GPC5: variants seen among roughly 807,000 people sequenced by gnomAD.
GPC5 encodes the protein glypican 5.
Under a neutral mutation model 53.9 loss-of-function variants are expected in GPC5, and 47 were observed. That is an observed-to-expected ratio of 0.87 (90% CI 0.69 to 1.11). GPC5 has a LOEUF of 1.11. Ranked by LOEUF, GPC5 falls within the 50% of genes most tolerant of loss-of-function variation. GPC5 has a pLI of 0.00. For synonymous variants in GPC5, 286 were observed against 263.3 expected (o/e 1.09, Z -0.84); for missense variants, 748 against 713.1 (o/e 1.05, Z -0.56).
chr13:92,758,984 T>A lies in GPC5; in HGVS notation c.1562-107298T>A, dbSNP rs184444676. On this transcript the variant is annotated intron_variant, in intron 7 of 7. Coordinates refer to ENST00000377067, the MANE Select transcript of GPC5 (RefSeq NM_004466.6). ...CCAGTTTTTCCAGAGAATATCCTTT[T>A]CCCATTGCGGTTTTTTTTTTTTTTT... Among the ~76,000 whole-genome samples the A allele has an allele frequency of 1.9e-3, 281 of 146,392 alleles. 2 individuals carry two copies. The highest frequency in any genetic ancestry group is 6.9e-3 in the African/African-American group (275 of 39,752).
At chr13:92,470,412 G>A (rs1015860545) in intron 7 of GPC5, among the ~76,000 whole-genome samples, 4 of 151,830 alleles carry the variant, frequency 2.6e-5, no homozygotes, top group Non-Finnish European at 4.4e-5. Context: ...TGTGCAGAAC[G>A]TGCAGTTTTG....
In GPC5 at chr13:91,976,047, C is replaced by T. The variant is rs188769822; in HGVS notation, c.1401+67990C>T. ...CAAAAAACCAAACACCGCATGTTCT[C>T]ACTCATAGCTAGGAATTGAACAATG... is the stretch of plus-strand genomic sequence containing the variant. On this transcript the variant is annotated intron_variant, in intron 6 of 7. Transcript: ENST00000377067. 1.5e-3 allele frequency among the ~76,000 whole-genome samples: 231 copies of T among 152,178 alleles called. 1 individual carries two copies. The Middle Eastern group carries it at 0.051, about 34-fold the overall frequency.
chr13:92,061,280 G>A (rs573053192), intron 6 of GPC5, among the ~76,000 whole-genome samples: 3 of 152,110 alleles, frequency 2.0e-5, no homozygotes, highest in Non-Finnish European at 1.5e-5. Context: ...CAAGATTAGA[G>A]CTAATTGGTT....
intron 6 of GPC5, among the ~76,000 whole-genome samples, chr13:92,128,645 C>A (rs2041719072): frequency 1.3e-5 from 2 of 152,154 alleles, no homozygotes; most frequent in African/African-American, 4.8e-5. Flanking sequence ...CCTTGTTGGA[C>A]CAATTGCAGG....
At chr13:91,402,347 A>G (rs1389313340) in intron 1 of GPC5, among the ~76,000 whole-genome samples, 1 of 152,216 alleles carries the variant, frequency 6.6e-6, no homozygotes, top group African/African-American at 2.4e-5. Flanking sequence ...AAATTTTAAT[A>G]CTAAAAGACA....
chr13:92,723,206 A>G (rs953799779), intron 7 of GPC5, among the ~76,000 whole-genome samples: 1 of 151,716 alleles, frequency 6.6e-6, no homozygotes, highest in Non-Finnish European at 1.5e-5. Flanking sequence ...ACTGAAATTA[A>G]ATTTTCATAA....
At chr13:92,034,581 G>C (rs2040878565) in intron 6 of GPC5, among the ~76,000 whole-genome samples, 1 of 152,122 alleles carries the variant, frequency 6.6e-6, no homozygotes, top group African/African-American at 2.4e-5. Flanking sequence ...TAGTGCAAGG[G>C]CAGGAGATTT....
intron 2 of GPC5, among the ~76,000 whole-genome samples, chr13:91,546,821 T>G (rs780873486): frequency 6.6e-6 from 1 of 152,114 alleles, no homozygotes; most frequent in Non-Finnish European, 1.5e-5. Flanking sequence ...TCACTTTGCC[T>G]TTAAAAAAGA....
intron 5 of GPC5, among the ~76,000 whole-genome samples, chr13:91,896,988 T>C (rs974793777): frequency 6.6e-6 from 1 of 151,594 alleles, no homozygotes; most frequent in Non-Finnish European, 1.5e-5. Flanking sequence ...AGAACAGGAA[T>C]CCCAGTTATT....
At chr13:92,860,982 G>A (rs116369281) in intron 7 of GPC5, among the ~76,000 whole-genome samples, 2,340 of 152,048 alleles carry the variant, frequency 0.015, 66 homozygotes, top group African/African-American at 0.054. Context: ...AAATTAATGA[G>A]AGAGTCTCTA....
intron 7 of GPC5, among the ~76,000 whole-genome samples, chr13:92,814,410 C>T (rs943235420): frequency 6.6e-6 from 1 of 151,880 alleles, no homozygotes; most frequent in Non-Finnish European, 1.5e-5. Context: ...CCTGTAATTC[C>T]AGCACTTTGG....
chr13:92,729,480 CAT>C (rs1594460530), intron 7 of GPC5, among the ~76,000 whole-genome samples: 2 of 151,324 alleles, frequency 1.3e-5, no homozygotes, highest in Admixed American at 6.6e-5. Context: ...TTAAATGAAA[CAT>C]ATTAAGATCA....
intron 2 of GPC5, among the ~76,000 whole-genome samples, chr13:91,688,670 A>G (rs2035674760): frequency 6.6e-6 from 1 of 152,110 alleles, no homozygotes; most frequent in Non-Finnish European, 1.5e-5. Flanking sequence ...TCATTAGACA[A>G]TTTCGCCATT....
intron 7 of GPC5, among the ~76,000 whole-genome samples, chr13:92,513,817 T>G (rs558696222): frequency 6.6e-6 from 1 of 152,302 alleles, no homozygotes; most frequent in African/African-American, 2.4e-5. Context: ...TTATACCATA[T>G]TTTTAGTAAT....
chr13:92,650,900 T>C (rs1317912018), intron 7 of GPC5, among the ~76,000 whole-genome samples: 1 of 152,122 alleles, frequency 6.6e-6, no homozygotes, highest in Non-Finnish European at 1.5e-5. Context: ...TATTAACCCA[T>C]CCTCTAAGTT....
intron 3 of GPC5, among the ~76,000 whole-genome samples, chr13:91,697,984 C>T (rs1374574215): frequency 1.3e-5 from 2 of 151,714 alleles, no homozygotes; most frequent in Non-Finnish European, 2.9e-5. Context: ...TCACTGCATC[C>T]TCCACCTCCC....
intron 7 of GPC5, among the ~76,000 whole-genome samples, chr13:92,372,818 G>T (rs990238925): frequency 1.3e-5 from 2 of 152,156 alleles, no homozygotes; most frequent in Non-Finnish European, 2.9e-5. Flanking sequence ...TTCAGTCATT[G>T]TTAAGAAAAG....
intron 7 of GPC5, among the ~76,000 whole-genome samples, chr13:92,156,207 C>A (rs1356909454): frequency 6.6e-6 from 1 of 151,620 alleles, no homozygotes; most frequent in Non-Finnish European, 1.5e-5. Context: ...ATTTTTTTTC[C>A]ACTTTCAGCA....
rs1566623321 is a variant in GPC5 at position 92,514,420 on chromosome 13, T to C, written c.1562-351862T>C. ...AGAAGTCCTTGTTTCAGGCTCTGTGTTCAGCCCAGAAAATTTGGTACAAGG... is the reference window on the plus strand; with the variant it reads ...AGAAGTCCTTGTTTCAGGCTCTGTGCTCAGCCCAGAAAATTTGGTACAAGG... On this transcript the variant is annotated intron_variant, in intron 7 of 7. Transcript: ENST00000377067. 2.0e-5 allele frequency among the ~76,000 whole-genome samples: 3 copies of C among 152,212 alleles called. No individual in the cohort carries two copies. In the East Asian group the frequency reaches 5.8e-4, roughly 29 times the overall value.
Sources: allele counts gnomAD v4.1 joint callset (sites outside exome capture counted in the v4.1 genomes callset), GRCh38; gene constraint gnomAD v4.1.1; transcripts MANE v1.5; gene names NCBI Gene and HGNC (gene_info 2026-07-23, HGNC 2026-07-21).